CTNNA3: variants seen among roughly 807,000 people sequenced by gnomAD.
The protein encoded by CTNNA3 is catenin alpha-3.
Under a neutral mutation model 95.7 loss-of-function variants are expected in CTNNA3, and 76 were observed. The observed-to-expected ratio is 0.79, with a 90% CI of 0.66 to 0.96. CTNNA3 has a LOEUF of 0.96. Ranked by LOEUF, CTNNA3 falls within the 40% of genes least tolerant of loss-of-function variation. The pLI is 0.00. For synonymous variants in CTNNA3, 431 were observed against 374.4 expected, an observed-to-expected ratio of 1.15 and a Z score of -1.74; for missense variants, 1,191 against 1,089.8, an observed-to-expected ratio of 1.09 and a Z score of -1.31.
At chr10:66,822,286 C>T (rs184973767) in intron 7 of CTNNA3, among the ~76,000 whole-genome samples, 30 of 152,074 alleles carry the variant, frequency 2.0e-4, no homozygotes, top group African/African-American at 6.0e-4. Flanking sequence ...TCCATGACCA[C>T]GGCAAGCATT....
chr10:66,097,765 C>G (rs1319361058), intron 14 of CTNNA3, among the ~76,000 whole-genome samples: 8 of 152,096 alleles, frequency 5.3e-5, no homozygotes, highest in Non-Finnish European at 1.2e-4. Flanking sequence ...CCTGCTGCAA[C>G]TTAAATAATT....
chr10:67,282,902 C>T (rs1839455293), intron 5 of CTNNA3, among the ~76,000 whole-genome samples: 2 of 152,158 alleles, frequency 1.3e-5, no homozygotes, highest in African/African-American at 4.8e-5. Flanking sequence ...ATCTCTCTTC[C>T]CCAAGGTGGG....
chr10:67,519,406 G>T (rs1395416940), intron 5 of CTNNA3, among the ~76,000 whole-genome samples: 1 of 152,104 alleles, frequency 6.6e-6, no homozygotes, highest in Non-Finnish European at 1.5e-5. Context: ...AATATGTTAG[G>T]AGAAAACCTC....
intron 7 of CTNNA3, among the ~76,000 whole-genome samples, chr10:66,988,601 G>A (rs1850862226): frequency 6.6e-6 from 1 of 152,060 alleles, no homozygotes; most frequent in South Asian, 2.1e-4. Context: ...TTGTGAAGAA[G>A]CTGATATTTT....
At chr10:66,722,931 C>T (rs919756954) in intron 9 of CTNNA3, among the ~76,000 whole-genome samples, 2 of 152,080 alleles carry the variant, frequency 1.3e-5, no homozygotes, top group South Asian at 2.1e-4. Flanking sequence ...GTGTCCCTTC[C>T]GTCCAATCAC....
chr10:66,159,524 T>C (rs1399070377), intron 13 of CTNNA3, among the ~76,000 whole-genome samples: 2 of 152,128 alleles, frequency 1.3e-5, no homozygotes, highest in African/African-American at 2.4e-5. Flanking sequence ...TCATGGTAGA[T>C]TATCTTTTTG....
chr10:66,473,409 C>T (rs1336424068), intron 11 of CTNNA3, among the ~76,000 whole-genome samples: 1 of 151,986 alleles, frequency 6.6e-6, no homozygotes, highest in East Asian at 1.9e-4. Flanking sequence ...CTTGCTGCCC[C>T]TTTGCCTTCT....
At chr10:67,259,072 C>T (rs1866477007) in intron 5 of CTNNA3, among the ~76,000 whole-genome samples, 1 of 151,862 alleles carries the variant, frequency 6.6e-6, no homozygotes, top group African/African-American at 2.4e-5. Context: ...TCTTTTTCCC[C>T]ACATATTTTC....
intron 15 of CTNNA3, among the ~76,000 whole-genome samples, chr10:65,992,424 G>A (rs1339921636): frequency 2.6e-5 from 4 of 152,016 alleles, no homozygotes; most frequent in African/African-American, 9.7e-5. Flanking sequence ...AATCTACTGT[G>A]CATTATTGTT....
intron 1 of CTNNA3, among the ~76,000 whole-genome samples, chr10:67,659,322 C>A (rs1177298378): frequency 2.0e-5 from 3 of 152,128 alleles, no homozygotes; most frequent in African/African-American, 7.2e-5. Context: ...GACTTTATGA[C>A]CCTGACAACA....
chr10:67,120,916 T>C (rs1411020347), intron 7 of CTNNA3, among the ~76,000 whole-genome samples: 2 of 152,064 alleles, frequency 1.3e-5, no homozygotes, highest in Non-Finnish European at 2.9e-5. Flanking sequence ...AAATAAAGCA[T>C]GCCCATTGCT....
intron 12 of CTNNA3, among the ~76,000 whole-genome samples, chr10:66,342,813 T>C (rs2092466951): frequency 6.6e-6 from 1 of 152,146 alleles, no homozygotes. Context: ...TATTCCTTAA[T>C]ATTCAATAAT....
In CTNNA3 at chr10:67,216,098, C is replaced by A. The variant is rs577086375; in HGVS notation, c.843+3509G>T. Among the ~76,000 whole-genome samples the A allele has an allele frequency of 4.6e-5, 7 of 152,248 alleles. No homozygotes were observed. In the South Asian group the frequency reaches 1.5e-3, roughly 32 times the overall value. ...ATGTGCTTCTAGATAACAGTGATATCTATTTCTTCTTTAGCTTCTAAATGC... is the reference window on the plus strand; with the variant it reads ...ATGTGCTTCTAGATAACAGTGATATATATTTCTTCTTTAGCTTCTAAATGC... On this transcript the variant is annotated intron_variant, in intron 6 of 17. Transcript: ENST00000433211.
intron 5 of CTNNA3, among the ~76,000 whole-genome samples, chr10:67,480,620 A>C (rs1157918392): frequency 6.6e-6 from 1 of 152,244 alleles, no homozygotes; most frequent in Non-Finnish European, 1.5e-5. Context: ...TGCAGATAAC[A>C]AGCCAGAGCC....
chr10:66,850,682 G>A (rs1003200274), intron 7 of CTNNA3, among the ~76,000 whole-genome samples: 1 of 151,524 alleles, frequency 6.6e-6, no homozygotes, highest in African/African-American at 2.4e-5. Context: ...AAGCTGGGTA[G>A]AGTATGTGAA....
chr10:66,337,787 A>T (rs1329791549), intron 12 of CTNNA3, among the ~76,000 whole-genome samples: 1 of 152,130 alleles, frequency 6.6e-6, no homozygotes, highest in Non-Finnish European at 1.5e-5. Context: ...AAGAAACCTT[A>T]TACATCACTG....
chr10:67,110,907 G>A (rs1858882956), intron 7 of CTNNA3, among the ~76,000 whole-genome samples: 2 of 152,052 alleles, frequency 1.3e-5, no homozygotes, highest in South Asian at 4.1e-4. Context: ...GTTCTAAGGA[G>A]GTAAGACTTA....
At chr10:66,875,889 T>C (rs1272403653) in intron 7 of CTNNA3, among the ~76,000 whole-genome samples, 1 of 152,086 alleles carries the variant, frequency 6.6e-6, no homozygotes, top group East Asian at 1.9e-4. Flanking sequence ...TTCAGAGTTT[T>C]ATGTACAGTA....
chr10:67,341,773 T>G (rs544438276), intron 5 of CTNNA3, among the ~76,000 whole-genome samples: 5 of 152,266 alleles, frequency 3.3e-5, no homozygotes, highest in African/African-American at 1.2e-4. Flanking sequence ...ACCTCAAAAC[T>G]GTTCTCTATA....
Sources: allele counts gnomAD v4.1 joint callset (sites outside exome capture counted in the v4.1 genomes callset), GRCh38; gene constraint gnomAD v4.1.1; transcripts MANE v1.5; gene names NCBI Gene and HGNC (gene_info 2026-07-23, HGNC 2026-07-21).